Variants in SH3BGRL2 observed in about 807,000 individuals in gnomAD.
SH3BGRL2 encodes SH3 domain-binding glutamic acid-rich-like protein 2.
A neutral mutation model predicts 14.8 loss-of-function variants in SH3BGRL2; 21 were observed. The observed-to-expected ratio is 1.42, with a 90% confidence interval of 1.01 to 2.05. The LOEUF is 2.05. Among genes scored for constraint, SH3BGRL2 ranks in the 30% most tolerant of loss-of-function variants. The pLI, the probability that SH3BGRL2 is intolerant of heterozygous loss-of-function variation, is 0.00. For synonymous variants in SH3BGRL2, 50 were observed against 47.8 expected, an observed-to-expected ratio of 1.05 and a Z score of -0.19; for missense variants, 147 against 130.8, an observed-to-expected ratio of 1.12 and a Z score of -0.61.
chr6:79,590,464 T>TATAC, the SH3BGRL2 span, among the ~76,000 whole-genome samples: 3 of 131,012 alleles, frequency 2.3e-5, no homozygotes, highest in Non-Finnish European at 4.9e-5. Flanking sequence ...TATATATATA[T>TATAC]GCGCCATGGA....
At chr6:79,627,548 G>A (rs1342885821), upstream of SH3BGRL2, among the ~76,000 whole-genome samples, 1 of 152,148 alleles carries the variant, frequency 6.6e-6, no homozygotes, top group Non-Finnish European at 1.5e-5. Flanking sequence ...ATTTGCCAAA[G>A]GAGAGTCTCA....
At chr6:79,617,209 A>G in the SH3BGRL2 span, among the ~76,000 whole-genome samples, 1 of 147,654 alleles carries the variant, frequency 6.8e-6, no homozygotes, top group Non-Finnish European at 1.5e-5. Context: ...GAAAAAAAAA[A>G]GAAAAGAAAA....
the SH3BGRL2 span, among the ~76,000 whole-genome samples, chr6:79,590,836 T>A: frequency 0.36 from 54,213 of 151,860 alleles, 10,475 homozygotes; most frequent in East Asian, 0.75. Context: ...ATAAATAAAT[T>A]AATTAATTAA....
chr6:79,587,952 G>A, the SH3BGRL2 span, among the ~76,000 whole-genome samples: 2 of 151,350 alleles, frequency 1.3e-5, no homozygotes, highest in African/African-American at 2.4e-5. Context: ...GAGGCGGGCG[G>A]ATCACCTGAG....
chr6:79,600,240 C>T, the SH3BGRL2 span, among the ~76,000 whole-genome samples: 1 of 152,196 alleles, frequency 6.6e-6, no homozygotes, highest in Non-Finnish European at 1.5e-5. Flanking sequence ...TTCTTACTTT[C>T]TCTAATGAAT....
the SH3BGRL2 span, among the ~76,000 whole-genome samples, chr6:79,614,484 G>A: frequency 4.6e-5 from 7 of 152,254 alleles, no homozygotes; most frequent in African/African-American, 1.7e-4. Flanking sequence ...ACAGAACTGG[G>A]CCCTGCTCTG....
chr6:79,613,543 G>A, the SH3BGRL2 span, among the ~76,000 whole-genome samples: 1 of 152,136 alleles, frequency 6.6e-6, no homozygotes, highest in East Asian at 1.9e-4. Flanking sequence ...TAGAAACAAT[G>A]TTTGTGTGAA....
At chr6:79,579,354 C>T in the SH3BGRL2 span, among the ~76,000 whole-genome samples, 1 of 152,114 alleles carries the variant, frequency 6.6e-6, no homozygotes, top group Non-Finnish European at 1.5e-5. Context: ...TTGTCAGATT[C>T]ACCAAGGTTG....
intron 1 of SH3BGRL2, among the ~76,000 whole-genome samples, chr6:79,649,357 A>G (rs2127725885): frequency 6.6e-6 from 1 of 152,234 alleles, no homozygotes; most frequent in South Asian, 2.1e-4. Context: ...TGGCTTTACA[A>G]TGCAGAAACA....
intron 1 of SH3BGRL2, among the ~76,000 whole-genome samples, chr6:79,658,363 G>A (rs1267720049): frequency 6.6e-6 from 1 of 152,106 alleles, no homozygotes; most frequent in Non-Finnish European, 1.5e-5. Context: ...TCGTTGTTCA[G>A]TTCCCACCTA....
the SH3BGRL2 span, among the ~76,000 whole-genome samples, chr6:79,590,162 C>T: frequency 5.3e-5 from 8 of 151,658 alleles, no homozygotes; most frequent in Admixed American, 1.3e-4. Context: ...CAAATGCTGG[C>T]GAGGCTGTGG....
chr6:79,631,344 T>C lies in SH3BGRL2; in HGVS notation c.-118T>C. On this transcript the variant is annotated 5_prime_UTR_variant, in exon 1 of 4. Coordinates refer to ENST00000369838, the MANE Select transcript of SH3BGRL2 (RefSeq NM_031469.4). ...GGAGGGAGCCAGATCCCAGCGATCT[T>C]CCCCGACGGCAGCGCTTTACCCAGA... 1 of 923,024 alleles carries C rather than the reference T, an allele frequency of 1.1e-6. No individual in the cohort carries two copies. Among genetic ancestry groups the C allele is most frequent in the South Asian group, 2.6e-5 (1 of 37,968 alleles). 57.2% of individuals were successfully genotyped at this position (923,024 alleles called of 1,614,324 possible). A position where few individuals can be genotyped will look rare whatever the true frequency, so the allele number is the denominator to read the frequency against.
At chr6:79,591,873 C>G in the SH3BGRL2 span, among the ~76,000 whole-genome samples, 1 of 152,144 alleles carries the variant, frequency 6.6e-6, no homozygotes, top group South Asian at 2.1e-4. Context: ...CCTGCTGATA[C>G]CTGTCTAATC....
At position 79,659,133 on chromosome 6, in the gene SH3BGRL2, T is replaced by G. The variant is rs537698794; in HGVS notation, c.46-14481T>G. 1.2e-4 allele frequency among the ~76,000 whole-genome samples: 19 copies of G among 152,338 alleles called. No individual in the cohort carries two copies. In the South Asian group the frequency reaches 3.9e-3, roughly 32 times the overall value. On this transcript the variant is annotated intron_variant, in intron 1 of 3. Coordinates refer to ENST00000369838, the MANE Select transcript of SH3BGRL2 (RefSeq NM_031469.4). Reference sequence around the variant, plus strand: ...AGTTTCTTTTGCCGTGCAGAAGCTCTTTAGTTTAATTAGATCCCATTTGTC... The same window carrying G: ...AGTTTCTTTTGCCGTGCAGAAGCTCGTTAGTTTAATTAGATCCCATTTGTC...
At chr6:79,674,307 G>C (rs963064821) in intron 2 of SH3BGRL2, among the ~76,000 whole-genome samples, 3 of 152,048 alleles carry the variant, frequency 2.0e-5, no homozygotes, top group African/African-American at 7.2e-5. Flanking sequence ...TTATGATAAT[G>C]AGCCAGAGGG....
At chr6:79,660,452 C>T (rs1769520474) in intron 1 of SH3BGRL2, among the ~76,000 whole-genome samples, 2 of 152,076 alleles carry the variant, frequency 1.3e-5, no homozygotes, top group South Asian at 4.2e-4. Context: ...TATTGATTTG[C>T]ATATGTTGAA....
the SH3BGRL2 span, among the ~76,000 whole-genome samples, chr6:79,588,107 C>T: frequency 6.6e-6 from 1 of 152,072 alleles, no homozygotes; most frequent in African/African-American, 2.4e-5. Flanking sequence ...TTCTGGCTAA[C>T]ATGGTGAAAC....
the SH3BGRL2 span, among the ~76,000 whole-genome samples, chr6:79,586,119 C>T: frequency 6.6e-6 from 1 of 151,458 alleles, no homozygotes; most frequent in Non-Finnish European, 1.5e-5. Context: ...TTGCTTGAAC[C>T]CGGGAGGCGG....
At chr6:79,638,770 A>T (rs1319381905) in intron 1 of SH3BGRL2, among the ~76,000 whole-genome samples, 1 of 152,132 alleles carries the variant, frequency 6.6e-6, no homozygotes, top group Non-Finnish European at 1.5e-5. Context: ...TGTTTAGATC[A>T]CTTATCCAAT....
Sources: gnomAD v4.1 joint callset for allele counts (sites outside exome capture counted in the v4.1 genomes callset) on GRCh38, gnomAD v4.1.1 for gene constraint, MANE v1.5 for transcripts, NCBI Gene and HGNC (gene_info 2026-07-23, HGNC 2026-07-21) for gene names.